MLH3: variants seen among roughly 807,000 people sequenced by gnomAD.
MLH3 encodes DNA mismatch repair protein Mlh3.
A neutral mutation model predicts 122.2 loss-of-function variants in MLH3; 82 were observed. The observed-to-expected ratio is 0.67, with a 90% CI of 0.56 to 0.81. The LOEUF is 0.81. MLH3 is among the 30% of genes least tolerant of loss of function. The pLI is 0.00. For missense variants in MLH3, 1,539 were observed against 1,714.5 expected (o/e 0.90, Z 1.81); for synonymous variants, 524 against 599.5 (o/e 0.87, Z 1.84).
At position 75,038,377 on chromosome 14, in the gene MLH3, A is replaced by G. The variant is rs1891566879; in HGVS notation, c.3606T>C (p.Cys1202=). 1 of 1,613,926 alleles carries G rather than the reference A, an allele frequency of 6.2e-7. No individual in the cohort carries two copies. The highest frequency in any genetic ancestry group is 8.5e-7 in the Non-Finnish European group (1 of 1,179,856). Residue 1202 remains cysteine (C), a synonymous_variant, in exon 6 of 13, where the codon TGT becomes TGC. Coordinates refer to ENST00000355774, the MANE Select transcript of MLH3 (RefSeq NM_001040108.2). ...TCTCTTCAGTCTTAGTGCTCATCAA[A>G]CAGGCAATAAACTTGTTATCTACTT... is the stretch of plus-strand genomic sequence containing the variant. ...LQQVDNKFIA[C]LMSTKTEENG... is the part of the protein sequence containing the mutation.
intron 9 of MLH3, among the ~76,000 whole-genome samples, chr14:75,029,903 T>G (rs1890923659): frequency 6.6e-6 from 1 of 152,138 alleles, no homozygotes; most frequent in South Asian, 2.1e-4. Context: ...TGCCGGGGGT[T>G]TGGGAAGCCA....
intron 9 of MLH3, among the ~76,000 whole-genome samples, chr14:75,023,487 A>G (rs1270374865): frequency 6.6e-6 from 1 of 152,238 alleles, no homozygotes; most frequent in Non-Finnish European, 1.5e-5. Flanking sequence ...AACATAAGTA[A>G]ACAGTCACTT....
intron 4 of MLH3, among the ~76,000 whole-genome samples, chr14:75,040,854 G>A (rs1323713967): frequency 6.6e-6 from 1 of 152,072 alleles, no homozygotes; most frequent in Admixed American, 6.6e-5. Context: ...CACATTCACT[G>A]TTCTCACATT....
At chr14:75,029,915 T>G (rs1451107290) in intron 9 of MLH3, among the ~76,000 whole-genome samples, 5 of 151,374 alleles carry the variant, frequency 3.3e-5, no homozygotes, top group African/African-American at 1.2e-4. Context: ...GGGAAGCCAA[T>G]GCAAGGGGAT....
chr14:75,046,932 G>A lies in MLH3; in HGVS notation c.2724C>T (p.Asp908=). ...GTGTTAACACACTGCACAACTTGCTGTCTTTCCTACTGGAATCTGAATTTG... is the reference window on the plus strand; with the variant it reads ...GTGTTAACACACTGCACAACTTGCTATCTTTCCTACTGGAATCTGAATTTG... ...ELPNSDSSRK[D]SKLCSVLTQD... The change falls in exon 2 of 13, where the codon GAC becomes GAT. Residue 908 remains aspartate, a synonymous_variant. Coordinates refer to ENST00000355774, the MANE Select transcript of MLH3 (RefSeq NM_001040108.2). 6.2e-7 allele frequency: 1 copy of A among 1,614,052 alleles called. No individual in the cohort carries two copies. The highest frequency in any genetic ancestry group is 8.5e-7 in the Non-Finnish European group (1 of 1,179,988).
intron 9 of MLH3, among the ~76,000 whole-genome samples, chr14:75,028,684 C>T (rs1349009456): frequency 1.3e-5 from 2 of 151,482 alleles, no homozygotes; most frequent in Non-Finnish European, 2.9e-5. Flanking sequence ...TCCCAAAATG[C>T]TGGGATTACA....
At chr14:75,034,628 A>G (rs1891267003) in intron 6 of MLH3, among the ~76,000 whole-genome samples, 1 of 151,966 alleles carries the variant, frequency 6.6e-6, no homozygotes, top group Non-Finnish European at 1.5e-5. Flanking sequence ...TTTCCCAACC[A>G]TTAAAAAATG....
chr14:75,031,995 G>C (rs1183608204), intron 8 of MLH3, 73 bp downstream of exon 8: 1 of 998,584 alleles, frequency 1.0e-6, no homozygotes, highest in East Asian at 2.4e-5. Flanking sequence ...TGGAACAATA[G>C]TTATGCTTAT....
intron 9 of MLH3, 72 bp from the exon 10 acceptor site, chr14:75,023,090 A>C: frequency 6.5e-7 from 1 of 1,540,670 alleles, no homozygotes; most frequent in Non-Finnish European, 9.0e-7. Flanking sequence ...TTTACAAAAT[A>C]TCTCAATTTT....
chr14:75,034,081 T>C (rs1252213358), intron 6 of MLH3, among the ~76,000 whole-genome samples: 2 of 151,784 alleles, frequency 1.3e-5, no homozygotes, highest in African/African-American at 2.4e-5. Flanking sequence ...TAGTTCCAGC[T>C]ACTTGGGAGG....
chr14:75,048,502 T>A lies in MLH3; in HGVS notation c.1154A>T (p.Asp385Val), dbSNP rs775965471. 1 of 1,613,274 alleles carries A rather than the reference T, an allele frequency of 6.2e-7. No homozygotes were observed. Among genetic ancestry groups the A allele is most frequent in the Non-Finnish European group, 8.5e-7 (1 of 1,179,808 alleles). Residue 385 changes from aspartate to valine, a missense_variant, in exon 2 of 13, where the codon GAT (aspartate) becomes GTT (valine). Coordinates refer to ENST00000355774, the MANE Select transcript of MLH3 (RefSeq NM_001040108.2). ...DATLQKRVTS[D>V]ERSNFQEACN... ...TGCTTCCTGGAAATTGCTCCTCTCA[T>A]CGGAAGTCACACGCTTCTGAAGAGT...
In MLH3 at chr14:75,046,508, C is replaced by T. The variant is rs1595082862; in HGVS notation, c.3148G>A (p.Val1050Ile). The T allele has an allele frequency of 3.1e-6, 5 of 1,614,116 alleles. No individual in the cohort carries two copies. The East Asian group carries it at 1.1e-4, about 36-fold the overall frequency. ...CCSDWQRHFD[V>I]ALGRMVYVNK... ...ACATAAACCATTCTTCCCAGGGCTA[C>T]ATCGAAATGCCGCTGCCAATCTGAA... Residue 1050 changes from valine (V) to isoleucine (I), a missense_variant, in exon 2 of 13, where the codon GTA becomes ATA. By Grantham distance (29) the Val-to-Ile change is conservative (BLOSUM62 3). Transcript: ENST00000355774.
At chr14:75,032,831 CA>C (rs576108893) in intron 7 of MLH3, among the ~76,000 whole-genome samples, 2 of 69,148 alleles carry the variant, frequency 2.9e-5, no homozygotes, top group Non-Finnish European at 6.6e-5. Flanking sequence ...AAAAGGGTAG[CA>C]AAAAAAAACA....
At chr14:75,034,748 A>G (rs1260776872) in intron 6 of MLH3, among the ~76,000 whole-genome samples, 3 of 152,028 alleles carry the variant, frequency 2.0e-5, no homozygotes, top group African/African-American at 4.8e-5. Flanking sequence ...TTCATATCAC[A>G]TACCCCCTGG....
chr14:75,046,759 GA>G lies in MLH3; in HGVS notation c.2896del (p.Ser966GlnfsTer30). 6.2e-7 allele frequency: 1 copy of G among 1,614,132 alleles called. No homozygotes were observed. The highest frequency in any genetic ancestry group is 8.5e-7 in the Non-Finnish European group (1 of 1,180,012). On this transcript the variant is annotated frameshift_variant, in exon 2 of 13. Transcript: ENST00000355774. LOFTEE classifies it high-confidence loss of function. Reference sequence around the variant, plus strand: ...ATAGGGCAATACCAAAGGAGTTTCTGATATCACACAGTTCTCTGTTGTATTG... The same window carrying G: ...ATAGGGCAATACCAAAGGAGTTTCTGTATCACACAGTTCTCTGTTGTATTG... ...NSNTTENCVI[S>X]ETPLVLPYNN...
intron 4 of MLH3, among the ~76,000 whole-genome samples, 162 bp from the exon 5 acceptor site, chr14:75,040,177 T>G (rs769966025): frequency 2.6e-4 from 39 of 151,562 alleles, no homozygotes; most frequent in Admixed American, 9.9e-4. Context: ...CGGCCGGGCG[T>G]GGTGGCTCAC....
chr14:75,020,140 A>T (rs1890179368), intron 11 of MLH3, among the ~76,000 whole-genome samples: 1 of 152,204 alleles, frequency 6.6e-6, no homozygotes, highest in East Asian at 1.9e-4. Context: ...CGACGCTGAC[A>T]AATGTTTAGC....
chr14:75,049,583 A>ATTGGCCCAAGGAGC lies in MLH3; in HGVS notation c.59_72dup (p.Cys25AlafsTer26). On this transcript the variant is annotated frameshift_variant, in exon 2 of 13. Transcript: ENST00000355774. LOFTEE classifies it high-confidence loss of function. The stretch of plus-strand genomic sequence containing the variant: ...CTGTTGAGGGCAAGTTCCTCAACAC[A>ATTGGCCCAAGGAGC]TTGGCCCAAGGAGCTTATGGCCAAA... The ATTGGCCCAAGGAGC allele has an allele frequency of 6.2e-7, 1 of 1,614,186 alleles. No homozygotes were observed. The highest frequency in any genetic ancestry group is 8.5e-7 in the Non-Finnish European group (1 of 1,180,020).
At chr14:75,019,110 G>T in intron 11 of MLH3, 130 bp from the exon 12 acceptor site, 1 of 871,494 alleles carries the variant, frequency 1.1e-6, no homozygotes, top group Non-Finnish European at 1.8e-6. Flanking sequence ...CTTTAATCCT[G>T]CTTGAAATTG....
Sources: allele counts gnomAD v4.1 joint callset (sites outside exome capture counted in the v4.1 genomes callset), GRCh38; gene constraint gnomAD v4.1.1; transcripts MANE v1.5; gene names NCBI Gene and HGNC (gene_info 2026-07-23, HGNC 2026-07-21).